The following BACH2 variants were observed in gnomAD, a reference collection of about 807,000 sequenced individuals.
BACH2 encodes transcription regulator protein BACH2.
In BACH2, 5 loss-of-function variants were observed where a neutral mutation model predicts 61.8. The observed-to-expected ratio is 0.08, with a 90% CI of 0.04 to 0.17. The LOEUF (loss-of-function observed/expected upper bound fraction) is 0.17. Ranked by LOEUF, BACH2 falls within the 10% of genes least tolerant of loss-of-function variation. The probability of loss-of-function intolerance (pLI) is 1.00; values close to 1 mark genes in which losing one functional copy is unlikely to be tolerated. For synonymous variants in BACH2, 446 were observed against 440.1 expected, an observed-to-expected ratio of 1.01 and a Z score of -0.17; for missense variants, 824 against 1,091.1, an observed-to-expected ratio of 0.76 and a Z score of 3.45.
At chr6:90,210,274 C>T (rs2127851056) in intron 3 of BACH2, among the ~76,000 whole-genome samples, 1 of 150,500 alleles carries the variant, frequency 6.6e-6, no homozygotes, top group East Asian at 2.0e-4. Context: ...ATGTGAAAGA[C>T]CAGAAATAAA....
At chr6:90,279,406 G>A (rs7754251) in intron 1 of BACH2, among the ~76,000 whole-genome samples, 7 of 151,426 alleles carry the variant, frequency 4.6e-5, no homozygotes, top group African/African-American at 1.5e-4. Flanking sequence ...GCCTGTAATC[G>A]CAGCCACTCA....
intron 2 of BACH2, among the ~76,000 whole-genome samples, chr6:90,260,995 G>A (rs187125243): frequency 3.5e-4 from 54 of 152,316 alleles, no homozygotes; most frequent in Admixed American, 5.9e-4. Flanking sequence ...ACTGGGAGAC[G>A]CTAGTGGCAA....
In BACH2 at chr6:90,286,733, A is replaced by T. The variant is rs571928417; in HGVS notation, c.-446+9747T>A. On this transcript the variant is annotated intron_variant, in intron 1 of 8. Transcript: ENST00000257749. ...ATGGTTTCAATTGATAGTTTCATTT[A>T]AAATGCATAGAATTCTCTTACTTTG... is the stretch of plus-strand genomic sequence containing the variant. Among the ~76,000 whole-genome samples, 7 of 152,354 alleles carry T rather than the reference A, an allele frequency of 4.6e-5. No homozygotes were observed. In the East Asian group the frequency reaches 9.6e-4, roughly 21 times the overall value.
chr6:90,046,985 G>A (rs1253838158), intron 5 of BACH2, among the ~76,000 whole-genome samples: 1 of 152,094 alleles, frequency 6.6e-6, no homozygotes, highest in Non-Finnish European at 1.5e-5. Context: ...AGGCTGGAGT[G>A]CAATGGCATG....
At chr6:89,996,772 T>C (rs1416889208) in intron 6 of BACH2, among the ~76,000 whole-genome samples, 1 of 152,194 alleles carries the variant, frequency 6.6e-6, no homozygotes, top group Non-Finnish European at 1.5e-5. Context: ...GCCAGTACCC[T>C]GCCATCTACA....
chr6:90,022,625 A>T (rs1419256934), intron 5 of BACH2, among the ~76,000 whole-genome samples: 4 of 152,242 alleles, frequency 2.6e-5, no homozygotes, highest in Non-Finnish European at 5.9e-5. Flanking sequence ...CAAAATGGAG[A>T]GTCACAGTCT....
At chr6:89,990,004 G>A (rs569571949) in intron 6 of BACH2, among the ~76,000 whole-genome samples, 2 of 152,306 alleles carry the variant, frequency 1.3e-5, no homozygotes, top group Admixed American at 6.5e-5. Context: ...ACATGTCAGA[G>A]GGATCACTGG....
intron 5 of BACH2, among the ~76,000 whole-genome samples, chr6:90,084,991 G>C (rs188913886): frequency 1.1e-3 from 174 of 152,200 alleles, no homozygotes; most frequent in African/African-American, 4.1e-3. Flanking sequence ...TAAAACTGTT[G>C]ATTGTTCTTC....
intron 4 of BACH2, among the ~76,000 whole-genome samples, chr6:90,159,792 G>A (rs547929043): frequency 5.9e-5 from 9 of 152,222 alleles, no homozygotes; most frequent in Admixed American, 2.0e-4. Flanking sequence ...GGAAAGAGGC[G>A]GATACAGGCC....
chr6:90,104,455 T>G (rs1406998089), intron 4 of BACH2: 1 of 152,288 alleles, frequency 6.6e-6, no homozygotes, highest in Non-Finnish European at 1.5e-5. Context: ...GAGAAAGAAC[T>G]GCTGTCATGA....
intron 2 of BACH2, among the ~76,000 whole-genome samples, chr6:90,265,862 C>T (rs912023603): frequency 6.6e-6 from 1 of 152,134 alleles, no homozygotes; most frequent in Non-Finnish European, 1.5e-5. Flanking sequence ...AAGAAATGAA[C>T]ATTTATCAAG....
intron 4 of BACH2, among the ~76,000 whole-genome samples, chr6:90,162,724 C>A (rs1339757635): frequency 2.6e-5 from 4 of 152,150 alleles, no homozygotes; most frequent in Admixed American, 6.5e-5. Flanking sequence ...TTTCTAAGGA[C>A]AAGCAAGCAA....
At chr6:90,166,444 T>C (rs1254873424) in intron 4 of BACH2, among the ~76,000 whole-genome samples, 2 of 152,204 alleles carry the variant, frequency 1.3e-5, no homozygotes, top group Non-Finnish European at 2.9e-5. Context: ...GAAACACTTT[T>C]ACACTGTTCG....
intron 5 of BACH2, among the ~76,000 whole-genome samples, chr6:90,018,514 G>C (rs1397029531): frequency 6.6e-6 from 1 of 152,032 alleles, no homozygotes. Flanking sequence ...TATTTTATCT[G>C]TTTCTATAGT....
chr6:90,147,110 T>C (rs778965995), intron 4 of BACH2, among the ~76,000 whole-genome samples: 1 of 151,946 alleles, frequency 6.6e-6, no homozygotes, highest in Non-Finnish European at 1.5e-5. Context: ...TACATAGAAA[T>C]GGGTAACTTG....
intron 5 of BACH2, among the ~76,000 whole-genome samples, chr6:90,056,618 G>A (rs912296645): frequency 6.8e-4 from 103 of 151,934 alleles, no homozygotes; most frequent in Middle Eastern, 3.4e-3. Context: ...TGCACCAAGC[G>A]GACCTAATAG....
At chr6:90,168,785 T>C (rs1397884835) in intron 4 of BACH2, among the ~76,000 whole-genome samples, 2 of 152,242 alleles carry the variant, frequency 1.3e-5, no homozygotes, top group Non-Finnish European at 1.5e-5. Flanking sequence ...GTTTATAGAA[T>C]GTATACACCT....
Position 89,951,017 on chromosome 6 carries a change from G to A in BACH2, c.1089C>T (p.His363=). 6.3e-7 allele frequency: 1 copy of A among 1,597,130 alleles called. No homozygotes were observed. Among genetic ancestry groups the A allele is most frequent in the Non-Finnish European group, 8.5e-7 (1 of 1,172,156 alleles). ...AAGGGCAGGCTGGACTCCTGGCAAA[G>A]TGCTGCTGAGATGTACTGGGCAGGC... The part of the protein sequence containing the change: ...LSGLPSTSQQ[H]FARSPACPFD... The change falls in exon 7 of 9, where the codon CAC becomes CAT. Residue 363 remains histidine, a synonymous_variant. Coordinates refer to ENST00000257749, the MANE Select transcript of BACH2 (RefSeq NM_021813.4). The surrounding 1 kb of genome is among the most constrained non-coding windows in gnomAD (Gnocchi z 6.4).
intron 4 of BACH2, among the ~76,000 whole-genome samples, chr6:90,089,823 T>C: frequency 6.6e-6 from 1 of 152,132 alleles, no homozygotes; most frequent in African/African-American, 2.4e-5. Flanking sequence ...ATTACATTAG[T>C]ATCTTGTGAG....
Sources: gnomAD v4.1 joint callset for allele counts (sites outside exome capture counted in the v4.1 genomes callset) on GRCh38, gnomAD v4.1.1 for gene constraint, Gnocchi (gnomAD v3.1) non-coding constraint, MANE v1.5 for transcripts, NCBI Gene and HGNC (gene_info 2026-07-23, HGNC 2026-07-21) for gene names.